The following GSE1 variants were observed in gnomAD, a reference collection of about 807,000 sequenced individuals.
GSE1 encodes Gse1 coiled-coil protein.
A neutral mutation model predicts 112.6 loss-of-function variants in GSE1; 32 were observed. The observed-to-expected ratio is 0.28, with a 90% CI of 0.21 to 0.38. The LOEUF is 0.38. Ranked by LOEUF, GSE1 falls within the 10% of genes least tolerant of loss-of-function variation. GSE1 has a pLI of 1.00. For synonymous variants in GSE1, 1,115 were observed against 735.6 expected, an observed-to-expected ratio of 1.52 and a Z score of -8.35; for missense variants, 2,348 against 1,699.2, an observed-to-expected ratio of 1.38 and a Z score of -6.71.
intron 2 of GSE1, among the ~76,000 whole-genome samples, chr16:85,521,460 C>G (rs1164819228): frequency 6.6e-6 from 1 of 152,176 alleles, no homozygotes; most frequent in South Asian, 2.1e-4. Context: ...GCAGCAGAAT[C>G]CTGTCCAGGG....
chr16:85,626,045 T>C (rs2049047714), intron 1 of GSE1, among the ~76,000 whole-genome samples: 1 of 152,038 alleles, frequency 6.6e-6, no homozygotes, highest in African/African-American at 2.4e-5. Flanking sequence ...GCCTTAGCCA[T>C]GAGTGATGGC....
chr16:85,286,720 TG>T (rs2045038531), intron 1 of GSE1, among the ~76,000 whole-genome samples: 2 of 151,366 alleles, frequency 1.3e-5, no homozygotes, highest in Non-Finnish European at 2.9e-5. Flanking sequence ...TTTTTTTTTT[TG>T]AAAGATGAAA....
intron 2 of GSE1, chr16:85,490,734 G>C (rs955212361): frequency 1.3e-5 from 2 of 152,246 alleles, no homozygotes; most frequent in African/African-American, 2.4e-5. Flanking sequence ...GTCAATAGAA[G>C]AGGAAGGCTT....
At chr16:85,532,099 C>G (rs1331389089) in intron 2 of GSE1, among the ~76,000 whole-genome samples, 1 of 152,174 alleles carries the variant, frequency 6.6e-6, no homozygotes, top group Non-Finnish European at 1.5e-5. Flanking sequence ...CACAGACACT[C>G]CATTTTAATA....
In GSE1 at chr16:85,323,266, G is replaced by A. The variant is rs971927885; in HGVS notation, c.2284-34197G>A. 4.6e-5 allele frequency among the ~76,000 whole-genome samples: 7 copies of A among 152,168 alleles called. No individual in the cohort carries two copies. The South Asian group carries it at 6.2e-4, about 14-fold the overall frequency. On this transcript the variant is annotated intron_variant, in intron 1 of 2. Coordinates refer to the GSE1 transcript ENST00000637419. Reference sequence around the variant, plus strand: ...GTCTCCGGGTGGGAGACAGCATTCAGTGCCAAAGCCTTGACATTTCCAGAA... The same window carrying A: ...GTCTCCGGGTGGGAGACAGCATTCAATGCCAAAGCCTTGACATTTCCAGAA...
At chr16:85,429,430 G>C (rs1259368520) in intron 2 of GSE1, among the ~76,000 whole-genome samples, 1 of 152,210 alleles carries the variant, frequency 6.6e-6, no homozygotes, top group East Asian at 1.9e-4. Context: ...GAGGAACCAA[G>C]GACGGGGGCT....
chr16:85,518,070 C>T (rs75555228), intron 2 of GSE1, among the ~76,000 whole-genome samples: 13,500 of 152,240 alleles, frequency 0.089, 1,811 homozygotes, highest in African/African-American at 0.29. Flanking sequence ...CCCTGACAGG[C>T]GCGTCGGCTG....
At chr16:85,659,799 G>A (rs2052281646) in intron 8 of GSE1, 1 of 152,230 alleles carries the variant, frequency 6.6e-6, no homozygotes, top group Non-Finnish European at 1.5e-5. Flanking sequence ...TTAATGGAAG[G>A]GTTCTGATGT....
intron 3 of GSE1, among the ~76,000 whole-genome samples, chr16:85,653,180 T>C (rs1176955752): frequency 4.1e-4 from 4 of 9,806 alleles, no homozygotes; most frequent in Non-Finnish European, 7.9e-4. Flanking sequence ...GCCCTGAGGC[T>C]CCCTCCGCCC....
chr16:85,250,181 C>G (rs905892372), intron 1 of GSE1, among the ~76,000 whole-genome samples: 3 of 152,238 alleles, frequency 2.0e-5, no homozygotes, highest in African/African-American at 7.2e-5. Context: ...GAAGAGACCC[C>G]TCTTCCCCTT....
At chr16:85,337,175 C>T (rs1284700683) in intron 1 of GSE1, among the ~76,000 whole-genome samples, 1 of 152,252 alleles carries the variant, frequency 6.6e-6, no homozygotes, top group Non-Finnish European at 1.5e-5. Context: ...CAGGCCACGC[C>T]TGTGGGCACC....
chr16:85,211,588 C>A (rs899157649), intron 1 of GSE1, among the ~76,000 whole-genome samples: 3 of 152,190 alleles, frequency 2.0e-5, no homozygotes, highest in African/African-American at 2.4e-5. Context: ...GGGGCCCTGG[C>A]GTGCAAGCCC....
At chr16:85,471,625 A>T (rs1443765139) in intron 2 of GSE1, among the ~76,000 whole-genome samples, 2 of 152,084 alleles carry the variant, frequency 1.3e-5, no homozygotes, top group African/African-American at 4.8e-5. Flanking sequence ...TGTTGCCCAG[A>T]CTGGTCTTGA....
Position 85,311,950 on chromosome 16 carries a change from C to G in GSE1, c.2284-45513C>G, listed in dbSNP as rs147807959. On this transcript the variant is annotated intron_variant, in intron 1 of 2. Transcript: ENST00000637419. This position sits in a 1 kb window ranked among gnomAD's most constrained non-coding sequence, Gnocchi z 4.2. ...GCCCAGCACTGCCCAGCCCCAGCCC[C>G]GCACCACTGTCCTCATGTCTGGAGA... is the stretch of plus-strand genomic sequence containing the variant. Among the ~76,000 whole-genome samples, 1 of 152,184 alleles carries G rather than the reference C, an allele frequency of 6.6e-6. No homozygotes were observed. Among genetic ancestry groups the G allele is most frequent in the African/African-American group, 2.4e-5 (1 of 41,450 alleles).
intron 1 of GSE1, among the ~76,000 whole-genome samples, chr16:85,198,853 A>T (rs957888707): frequency 6.6e-6 from 1 of 152,056 alleles, no homozygotes; most frequent in Admixed American, 6.5e-5. Context: ...ATCGTGACTC[A>T]CTGCAGCCTC....
chr16:85,253,055 CCCG>C (rs1906657213), intron 1 of GSE1, among the ~76,000 whole-genome samples: 1 of 61,822 alleles, frequency 1.6e-5, no homozygotes, highest in African/African-American at 7.3e-5. Context: ...CATAGGCGCC[CCCG>C]CCCCCCCCCC....
chr16:85,328,742 G>C (rs1222075879), intron 1 of GSE1, among the ~76,000 whole-genome samples: 1 of 152,098 alleles, frequency 6.6e-6, no homozygotes, highest in Non-Finnish European at 1.5e-5. Context: ...TGCCCCTGCC[G>C]GGTCCTCACA....
chr16:85,286,665 T>G (rs1420252463), intron 1 of GSE1, among the ~76,000 whole-genome samples: 1 of 152,044 alleles, frequency 6.6e-6, no homozygotes, highest in African/African-American at 2.4e-5. Context: ...TTTACGCATC[T>G]ATTAGTCCAA....
intron 1 of GSE1, among the ~76,000 whole-genome samples, chr16:85,214,337 A>G (rs73257909): frequency 0.046 from 6,994 of 152,256 alleles, 537 homozygotes; most frequent in African/African-American, 0.16. Flanking sequence ...GGGTGAAGTC[A>G]TACTGGATTT....
Sources: gnomAD v4.1 joint callset for allele counts (sites outside exome capture counted in the v4.1 genomes callset) on GRCh38, gnomAD v4.1.1 for gene constraint, Gnocchi (gnomAD v3.1) non-coding constraint, MANE v1.5 for transcripts, NCBI Gene and HGNC (gene_info 2026-07-23, HGNC 2026-07-21) for gene names.